CENPE: variants seen among roughly 807,000 people sequenced by gnomAD.
CENPE encodes centromere-associated protein E.
Under a neutral mutation model 336.1 loss-of-function variants are expected in CENPE, and 145 were observed. The ratio of observed to expected loss-of-function variants is 0.43; its 90% CI spans 0.38 to 0.50. CENPE has a LOEUF of 0.50. Ranked by LOEUF, CENPE falls within the 20% of genes least tolerant of loss-of-function variation. The pLI, the probability that CENPE is intolerant of heterozygous loss-of-function variation, is 0.00. For synonymous variants in CENPE, 1,013 were observed against 984.8 expected (o/e 1.03, Z -0.54); for missense variants, 2,719 against 3,023.3 (o/e 0.90, Z 2.36).
intron 43 of CENPE, among the ~76,000 whole-genome samples, chr4:103,122,392 C>G (rs1750713075): frequency 6.6e-6 from 1 of 152,086 alleles, no homozygotes; most frequent in Admixed American, 6.5e-5. Context: ...TTCTTAGATA[C>G]AAGTTAACCT....
chr4:103,163,403 TC>T, intron 17 of CENPE, 75 bp downstream of exon 17: 1 of 1,270,550 alleles, frequency 7.9e-7, no homozygotes, highest in Non-Finnish European at 1.1e-6. Context: ...ATTTCTGACA[TC>T]ATGTTCAGTT....
chr4:103,163,995 C>T (rs1229247489), intron 16 of CENPE, among the ~76,000 whole-genome samples: 2 of 152,028 alleles, frequency 1.3e-5, no homozygotes, highest in Non-Finnish European at 2.9e-5. Context: ...AAGTATCCAT[C>T]AGCTCTACAT....
intron 8 of CENPE, among the ~76,000 whole-genome samples, chr4:103,193,661 T>C (rs1229343500): frequency 6.6e-6 from 1 of 152,120 alleles, no homozygotes; most frequent in African/African-American, 2.4e-5. Flanking sequence ...ATTCAGCAAA[T>C]CTATATTAGA....
In CENPE at chr4:103,114,496, C is replaced by T. The variant is rs1301126783; in HGVS notation, c.7499G>A (p.Arg2500Lys). ...CTGTTGACTTCTTCTGAGATTTTCTCTCAATAGCCTTATAACTTCCTTTTG... is the reference window on the plus strand; with the variant it reads ...CTGTTGACTTCTTCTGAGATTTTCTTTCAATAGCCTTATAACTTCCTTTTG... ...EYQKEVIRLL[R>K]ENLRRSQQAQ... The change falls in exon 46 of 49, where the codon AGA (arginine) becomes AAA (lysine). Residue 2500 changes from arginine (R) to lysine (K), a missense_variant. By Grantham distance (26) the Arg-to-Lys change is conservative (BLOSUM62 2). Transcript: ENST00000265148. 6.2e-7 allele frequency: 1 copy of T among 1,611,902 alleles called. No homozygotes were observed. Among genetic ancestry groups the T allele is most frequent in the Non-Finnish European group, 8.5e-7 (1 of 1,179,066 alleles).
chr4:103,112,640 GGATATA>G (rs1749587750), intron 46 of CENPE, among the ~76,000 whole-genome samples: 1 of 125,814 alleles, frequency 7.9e-6, no homozygotes, highest in African/African-American at 3.5e-5. Context: ...ATATATAAGT[GGATATA>G]TACTTATAAG....
chr4:103,109,760 T>C (rs1382838778), intron 47 of CENPE, among the ~76,000 whole-genome samples: 2 of 152,182 alleles, frequency 1.3e-5, no homozygotes, highest in African/African-American at 4.8e-5. Flanking sequence ...CCCTCTATAA[T>C]GCTCTAGCAG....
At chr4:103,116,512 G>A in intron 45 of CENPE, 65 bp downstream of exon 45, 2 of 709,844 alleles carry the variant, frequency 2.8e-6, no homozygotes, top group Non-Finnish European at 4.6e-6. Context: ...CTAATGAAAA[G>A]TATATGTAGT....
In CENPE at chr4:103,194,628, A is replaced by G. The variant is rs1171688655; in HGVS notation, c.534T>C (p.Ala178=). Reference sequence around the variant, plus strand: ...TTTCTCCCTTTGTAATCCATTTCAAAGCCATTTCTGATGTATATACAACTT... The same window carrying G: ...TTTCTCCCTTTGTAATCCATTTCAAGGCCATTTCTGATGTATATACAACTT... ...TEEVVYTSEM[A]LKWITKGEKS... is the part of the protein sequence containing the mutation. Residue 178 remains alanine, a synonymous_variant, in exon 6 of 49, where the codon GCT becomes GCC. Coordinates refer to ENST00000265148, the MANE Select transcript of CENPE (RefSeq NM_001813.3). The G allele has an allele frequency of 6.2e-7, 1 of 1,609,322 alleles. No individual in the cohort carries two copies. The highest frequency in any genetic ancestry group is 8.5e-7 in the Non-Finnish European group (1 of 1,178,160).
chr4:103,105,836 A>G lies in CENPE; in HGVS notation c.*386T>C, dbSNP rs1268581289. On this transcript the variant is annotated 3_prime_UTR_variant, in exon 49 of 49. Coordinates refer to ENST00000265148, the MANE Select transcript of CENPE (RefSeq NM_001813.3). ...TTCAGAACTACTAAACATTTATTGA[A>G]TGTGTAAGGTATTAAAAACATTTAC... 2 of 152,962 alleles carry G rather than the reference A, an allele frequency of 1.3e-5. No individual in the cohort carries two copies. Among genetic ancestry groups the G allele is most frequent in the African/African-American group, 4.8e-5 (2 of 41,496 alleles). 9.5% of individuals were successfully genotyped at this position (152,962 alleles called of 1,614,324 possible).
intron 8 of CENPE, among the ~76,000 whole-genome samples, chr4:103,188,187 A>T (rs1281543032): frequency 1.3e-5 from 2 of 152,164 alleles, no homozygotes; most frequent in Non-Finnish European, 1.5e-5. Flanking sequence ...CTCCCACACA[A>T]TAATAATGGG....
rs768489693 is a variant in CENPE, at chr4:103,153,135, T to C, written c.3149A>G (p.Gln1050Arg). Residue 1050 changes from glutamine to arginine, a missense_variant, in exon 25 of 49, where the codon CAG becomes CGG. Physicochemically the swap from Gln to Arg is conservative, Grantham distance 43 (BLOSUM62 1). Transcript: ENST00000265148. ...EQQRKIFSLI[Q>R]EKNELQQMLE... ...CATTTGTTGGAGTTCATTTTTCTCC[T>C]GTATTAAAGAAAATATCTTCCTTTG... 8.7e-6 allele frequency: 14 copies of C among 1,612,722 alleles called. No individual in the cohort carries two copies. The highest frequency in any genetic ancestry group is 1.0e-5 in the Non-Finnish European group (12 of 1,179,112).
In CENPE at chr4:103,176,269, AG is replaced by A. The variant is rs1355466873; in HGVS notation, c.1391-222del. 5.3e-5 allele frequency among the ~76,000 whole-genome samples: 8 copies of A among 152,208 alleles called. No homozygotes were observed. In the East Asian group the frequency reaches 1.5e-3, roughly 29 times the overall value. ...CTGGTTGGAATTAGTGACACAATAC[AG>A]GATCCTTAATGAAATATAGGTTAAA... is the stretch of plus-strand genomic sequence containing the variant. On this transcript the variant is annotated intron_variant, in intron 14 of 48. Coordinates refer to ENST00000265148, the MANE Select transcript of CENPE (RefSeq NM_001813.3).
At chr4:103,184,977 C>T (rs2126029708) in intron 9 of CENPE, among the ~76,000 whole-genome samples, 1 of 151,978 alleles carries the variant, frequency 6.6e-6, no homozygotes, top group East Asian at 1.9e-4. Flanking sequence ...TCCATTTTTT[C>T]AAGTATTTGT....
chr4:103,182,309 C>T (rs1756393690), intron 11 of CENPE, among the ~76,000 whole-genome samples: 1 of 151,924 alleles, frequency 6.6e-6, no homozygotes, highest in Non-Finnish European at 1.5e-5. Context: ...CAGGCTGGTT[C>T]CTTTCCTTTT....
Position 103,120,281 on chromosome 4 carries a change from T to G in CENPE, c.7196A>C (p.His2399Pro), listed in dbSNP as rs1750504629. 1 of 1,611,270 alleles carries G rather than the reference T, an allele frequency of 6.2e-7. No individual in the cohort carries two copies. The highest frequency in any genetic ancestry group is 1.1e-5 in the South Asian group (1 of 90,002). The change falls in exon 44 of 49, where the codon CAT becomes CCT. Residue 2399 changes from histidine (H) to proline (P), a missense_variant. His to Pro is a moderately conservative substitution (Grantham distance 77, BLOSUM62 -2). Transcript: ENST00000265148. Reference protein sequence around the residue: ...SLHEAKESAMHKESKIIKMQK... With the variant: ...SLHEAKESAMPKESKIIKMQK... Reference sequence around the variant, plus strand: ...CATCTTTATAATCTTGCTTTCCTTATGCATAGCACTTTCTTTAGCTTCATG... The same window carrying G: ...CATCTTTATAATCTTGCTTTCCTTAGGCATAGCACTTTCTTTAGCTTCATG...
chr4:103,194,679 A>C lies in CENPE; in HGVS notation c.483T>G (p.Asn161Lys). The change falls in exon 6 of 49, where the codon AAT becomes AAG. Residue 161 changes from asparagine (N) to lysine (K), a missense_variant. Coordinates refer to ENST00000265148, the MANE Select transcript of CENPE (RefSeq NM_001813.3). ...PLIIREDVNR[N>K]VYVADLTEEV... ...CTTCTGTGAGATCAGCAACATACAC[A>C]TTCCTCTGAAACAAGTTTAATTATG... 6.3e-7 allele frequency: 1 copy of C among 1,596,954 alleles called. No individual in the cohort carries two copies. The highest frequency in any genetic ancestry group is 8.5e-7 in the Non-Finnish European group (1 of 1,174,196).
chr4:103,126,328 C>T (rs1751095717), intron 42 of CENPE, among the ~76,000 whole-genome samples: 1 of 151,972 alleles, frequency 6.6e-6, no homozygotes, highest in Admixed American at 6.6e-5. Context: ...TTCACCAGAG[C>T]CTAACATGCT....
In CENPE at chr4:103,196,231, T is replaced by C; in HGVS notation, c.170A>G (p.Glu57Gly). Reference sequence around the variant, plus strand: ...TTCTTCATACACATTTTTGGTAGTTTCATTACCATGAAAGACACGATCTAA... The same window carrying C: ...TTCTTCATACACATTTTTGGTAGTTCCATTACCATGAAAGACACGATCTAA... ...FNFDRVFHGN[E>G]TTKNVYEEIA... The change falls in exon 3 of 49, where the codon GAA becomes GGA. Residue 57 changes from glutamate to glycine, a missense_variant. Transcript: ENST00000265148. The C allele has an allele frequency of 6.2e-7, 1 of 1,612,750 alleles. No homozygotes were observed. Among genetic ancestry groups the C allele is most frequent in the Non-Finnish European group, 8.5e-7 (1 of 1,179,120 alleles).
intron 10 of CENPE, 124 bp downstream of exon 10, chr4:103,183,077 T>C (rs1756462051): frequency 1.1e-6 from 1 of 879,286 alleles, no homozygotes; most frequent in Non-Finnish European, 1.7e-6. Flanking sequence ...ATTATAATCA[T>C]ATGTATAAGT....
Sources: allele counts gnomAD v4.1 joint callset (sites outside exome capture counted in the v4.1 genomes callset), GRCh38; gene constraint gnomAD v4.1.1; transcripts MANE v1.5; gene names NCBI Gene and HGNC (gene_info 2026-07-23, HGNC 2026-07-21).